Variants in PTH2R observed in about 807,000 individuals in gnomAD.
The protein encoded by PTH2R is parathyroid hormone 2 receptor, also known as PTH2 receptor.
In PTH2R, 59 loss-of-function variants were observed where a neutral mutation model predicts 60.3. That is an observed-to-expected ratio of 0.98 (90% confidence interval 0.79 to 1.22). The LOEUF (loss-of-function observed/expected upper bound fraction) is 1.22. PTH2R is among the 50% of genes most tolerant of loss of function. PTH2R has a pLI of 0.00. For synonymous variants in PTH2R, 256 were observed against 243.8 expected (o/e 1.05, Z -0.47); for missense variants, 749 against 682.6 (o/e 1.10, Z -1.08).
chr2:208,434,850 A>T (rs968401965), intron 2 of PTH2R, among the ~76,000 whole-genome samples: 3 of 152,222 alleles, frequency 2.0e-5, no homozygotes, highest in Non-Finnish European at 4.4e-5. Context: ...AAAACATACA[A>T]ACAACAAAGC....
At chr2:208,427,034 C>T (rs1701870520) in intron 1 of PTH2R, among the ~76,000 whole-genome samples, 1 of 151,998 alleles carries the variant, frequency 6.6e-6, no homozygotes, top group South Asian at 2.1e-4. Flanking sequence ...TGCGTGTACA[C>T]AGGAAGAAAT....
At chr2:208,403,178 G>A (rs566419032), upstream of PTH2R, among the ~76,000 whole-genome samples, 3 of 152,330 alleles carry the variant, frequency 2.0e-5, no homozygotes, top group East Asian at 1.9e-4. Context: ...GCAAATTATA[G>A]CCATTTAATC....
chr2:208,442,288 A>G, intron 4 of PTH2R, 76 bp from the exon 5 acceptor site: 1 of 1,080,078 alleles, frequency 9.3e-7, no homozygotes, highest in Admixed American at 1.9e-5. Context: ...AAGATTCCAA[A>G]AATGACATAC....
upstream of PTH2R, among the ~76,000 whole-genome samples, chr2:208,402,949 C>T (rs1292962043): frequency 6.6e-6 from 1 of 152,210 alleles, no homozygotes. Flanking sequence ...TCTTCACTGG[C>T]TGCCGTGTGT....
At chr2:208,460,757 G>A (rs1226311979) in intron 9 of PTH2R, among the ~76,000 whole-genome samples, 1 of 151,876 alleles carries the variant, frequency 6.6e-6, no homozygotes, top group African/African-American at 2.4e-5. Flanking sequence ...GTGTTTTCCT[G>A]GTGTTCATGT....
intron 1 of PTH2R, among the ~76,000 whole-genome samples, chr2:208,409,056 A>G (rs1488975409): frequency 6.6e-6 from 1 of 152,130 alleles, no homozygotes; most frequent in Non-Finnish European, 1.5e-5. Flanking sequence ...ATGTTGCTGT[A>G]CATAGTTTGG....
chr2:208,388,362 G>T (rs929292134), intron 1 of PTH2R, among the ~76,000 whole-genome samples: 1 of 151,906 alleles, frequency 6.6e-6, no homozygotes, highest in Admixed American at 6.6e-5. Context: ...CAATGGCATC[G>T]ATCCCAACAC....
intron 8 of PTH2R, among the ~76,000 whole-genome samples, chr2:208,458,864 G>A (rs1439677996): frequency 6.6e-6 from 1 of 152,100 alleles, no homozygotes; most frequent in Non-Finnish European, 1.5e-5. Context: ...TGGGGATTGA[G>A]ATTGATTCCA....
At chr2:208,482,806 C>T (rs552795975) in intron 10 of PTH2R, among the ~76,000 whole-genome samples, 2 of 152,218 alleles carry the variant, frequency 1.3e-5, no homozygotes, top group Non-Finnish European at 2.9e-5. Flanking sequence ...ACAGGCACCC[C>T]CCATGCGTCC....
intron 10 of PTH2R, among the ~76,000 whole-genome samples, chr2:208,484,427 A>G (rs1432227312): frequency 6.6e-6 from 1 of 152,216 alleles, no homozygotes; most frequent in East Asian, 1.9e-4. Flanking sequence ...GTTTCCCTCA[A>G]TGGTGGCATA....
chr2:208,387,036 G>A (rs554127932), intron 1 of PTH2R, among the ~76,000 whole-genome samples: 4 of 152,096 alleles, frequency 2.6e-5, no homozygotes, highest in Non-Finnish European at 2.9e-5. Flanking sequence ...TCTTTTCTAC[G>A]ATTCTTTTTT....
At chr2:208,477,835 C>G (rs1366086145) in intron 9 of PTH2R, among the ~76,000 whole-genome samples, 3 of 150,932 alleles carry the variant, frequency 2.0e-5, no homozygotes, top group Non-Finnish European at 4.4e-5. Flanking sequence ...ACACAAGAAC[C>G]TTTTAATGAT....
At chr2:208,426,395 C>T (rs1042386878) in intron 1 of PTH2R, among the ~76,000 whole-genome samples, 3 of 152,192 alleles carry the variant, frequency 2.0e-5, no homozygotes, top group Admixed American at 6.5e-5. Context: ...TTGAAGTACA[C>T]TATCATTTTA....
chr2:208,395,920 G>T (rs1247116317), intron 1 of PTH2R, among the ~76,000 whole-genome samples: 1 of 152,164 alleles, frequency 6.6e-6, no homozygotes, highest in Non-Finnish European at 1.5e-5. Context: ...ATACTACAAG[G>T]CTACTGTAAC....
In PTH2R at chr2:208,489,075, A is replaced by G. The variant is rs16841294; in HGVS notation, c.1140A>G (p.Val380=). The change falls in exon 11 of 13, where the codon GTA becomes GTG. Residue 380 remains valine, a synonymous_variant. Coordinates refer to ENST00000272847, the MANE Select transcript of PTH2R (RefSeq NM_005048.4). ...LVFGVHYIVF[V]CLPHSFTGLG... The stretch of plus-strand genomic sequence containing the variant: ...TTGGAGTGCATTACATCGTGTTCGT[A>G]TGCCTGCCTCACTCCTTCACTGGGC... The G allele has an allele frequency of 0.081, 130,236 of 1,613,806 alleles. 8,170 individuals carry two copies. Among genetic ancestry groups the G allele is most frequent in the African/African-American group, 0.33 (25,012 of 74,876 alleles).
rs1702597840 is a variant in PTH2R, at chr2:208,459,900, G to A, written c.920G>A (p.Trp307Ter). The change falls in exon 9 of 13, where the codon TGG (tryptophan) becomes TAG (stop). Residue 307 changes from tryptophan (W) to a stop codon, truncating the protein, a stop_gained. Coordinates refer to ENST00000272847, the MANE Select transcript of PTH2R (RefSeq NM_005048.4). LOFTEE classifies it high-confidence loss of function. ...GCTTTTTTTCAATGTCTCAGGTGCT[G>A]GGAACTTAGTGCTGGAGACATCAAG... ...ARATLADARC[W>*]ELSAGDIKWI... 10 of 1,612,012 alleles carry A rather than the reference G, an allele frequency of 6.2e-6. No individual in the cohort carries two copies. Among genetic ancestry groups the A allele is most frequent in the Non-Finnish European group, 8.5e-6 (10 of 1,178,926 alleles).
intron 10 of PTH2R, among the ~76,000 whole-genome samples, chr2:208,485,878 G>A (rs528478037): frequency 7.2e-5 from 11 of 152,282 alleles, no homozygotes; most frequent in Non-Finnish European, 1.6e-4. Context: ...TGTTATATAA[G>A]ATTCCATCCT....
rs538221303 is a variant in PTH2R at position 208,467,801 on chromosome 2, C to T, written c.981+7840C>T. 8.9e-4 allele frequency among the ~76,000 whole-genome samples: 136 copies of T among 152,270 alleles called. 4 individuals carry two copies. In the East Asian group the frequency reaches 0.024, roughly 26 times the overall value. ...ATGGTTCCTAGGTCCTTGCGAAAGA[C>T]ATTCCTGGGCCATAAAGCTGACCAA... On this transcript the variant is annotated intron_variant, in intron 9 of 12. Transcript: ENST00000272847.
intron 1 of PTH2R, among the ~76,000 whole-genome samples, chr2:208,390,500 T>G (rs1701089140): frequency 6.6e-6 from 1 of 152,224 alleles, no homozygotes; most frequent in South Asian, 2.1e-4. Flanking sequence ...CAATTAGTCT[T>G]GTACAAATGG....
Sources: gnomAD v4.1 joint callset for allele counts (sites outside exome capture counted in the v4.1 genomes callset) on GRCh38, gnomAD v4.1.1 for gene constraint, MANE v1.5 for transcripts, NCBI Gene and HGNC (gene_info 2026-07-23, HGNC 2026-07-21) for gene names.